NAV2: variants seen among roughly 807,000 people sequenced by gnomAD.
NAV2 encodes the protein neuron navigator 2, also known as helicase, APC down-regulated 1.
In NAV2, 54 loss-of-function variants were observed where a neutral mutation model predicts 223.2. The observed-to-expected ratio is 0.24, with a 90% CI of 0.19 to 0.30. The LOEUF is 0.30. NAV2 is among the 10% of genes least tolerant of loss of function. The probability of loss-of-function intolerance (pLI) is 1.00; values close to 1 mark genes in which losing one functional copy is unlikely to be tolerated. For synonymous variants in NAV2, 1,279 were observed against 1,239.3 expected (o/e 1.03, Z -0.67); for missense variants, 2,806 against 3,147.5 (o/e 0.89, Z 2.60).
At chr11:19,672,943 T>C (rs2048611267) in intron 1 of NAV2, among the ~76,000 whole-genome samples, 1 of 152,176 alleles carries the variant, frequency 6.6e-6, no homozygotes, top group African/African-American at 2.4e-5. Context: ...TGTGTGTTTG[T>C]TTGCTCCTGG....
chr11:19,795,088 G>C (rs2057793175), intron 1 of NAV2, among the ~76,000 whole-genome samples: 1 of 152,278 alleles, frequency 6.6e-6, no homozygotes, highest in South Asian at 2.1e-4. Context: ...AACCTGTCCA[G>C]TGCCACAGTC....
intron 36 of NAV2, 168 bp from the exon 37 acceptor site, chr11:20,114,424 G>A (rs911590410): frequency 1.8e-5 from 12 of 649,164 alleles, no homozygotes; most frequent in African/African-American, 5.4e-5. Flanking sequence ...TTAGCACCTC[G>A]AACTGTCTGC....
At chr11:19,549,786 T>C (rs908983682) in intron 1 of NAV2, among the ~76,000 whole-genome samples, 4 of 152,018 alleles carry the variant, frequency 2.6e-5, no homozygotes, top group Non-Finnish European at 5.9e-5. Context: ...GAAACCAAGC[T>C]GCACCATGAG....
In NAV2 at chr11:19,844,825, T is replaced by TTTG. The variant is rs1347847809; in HGVS notation, c.438+1904_438+1905insGTT. On this transcript the variant is annotated intron_variant, in intron 3 of 37. Coordinates refer to ENST00000349880, the MANE Select transcript of NAV2 (RefSeq NM_145117.5). ...TTTTTGTGTGTGTGAACTGTGTGTTTTTTTTTTTTTTTAGAACACAAGAAT... is the reference window on the plus strand; with the variant it reads ...TTTTTGTGTGTGTGAACTGTGTGTTTTTGTTTTTTTTTTTTAGAACACAAGAAT... Among the ~76,000 whole-genome samples, 3 of 149,990 alleles carry TTTG rather than the reference T, an allele frequency of 2.0e-5. No individual in the cohort carries two copies. The South Asian group carries it at 6.3e-4, about 31-fold the overall frequency.
upstream of NAV2, among the ~76,000 whole-genome samples, chr11:19,346,163 GA>G (rs1237250719): frequency 6.6e-6 from 1 of 152,188 alleles, no homozygotes; most frequent in Non-Finnish European, 1.5e-5. Flanking sequence ...TCCCTCTGTG[GA>G]GGCGTGCTTC....
chr11:19,644,122 C>T (rs1372718896), intron 1 of NAV2, among the ~76,000 whole-genome samples: 3 of 151,832 alleles, frequency 2.0e-5, no homozygotes, highest in African/African-American at 7.3e-5. Flanking sequence ...GTTTTGTTGC[C>T]CTGGAGGGGG....
At chr11:19,742,922 G>A (rs2052980199) in intron 1 of NAV2, among the ~76,000 whole-genome samples, 1 of 152,226 alleles carries the variant, frequency 6.6e-6, no homozygotes, top group South Asian at 2.1e-4. Flanking sequence ...CACATGCATG[G>A]AGACTTCTGT....
chr11:19,369,328 C>A (rs762554334), intron 1 of NAV2, among the ~76,000 whole-genome samples: 5 of 152,170 alleles, frequency 3.3e-5, no homozygotes, highest in Admixed American at 3.3e-4. Flanking sequence ...TAGGGTGCAA[C>A]TTAATGAAAG....
intron 1 of NAV2, among the ~76,000 whole-genome samples, chr11:19,479,111 C>T (rs776564939): frequency 3.9e-5 from 6 of 151,946 alleles, no homozygotes; most frequent in Admixed American, 6.5e-5. Context: ...ATTTGGTGGC[C>T]CAGTCACTGT....
At chr11:19,690,271 C>G (rs1414405945) in intron 1 of NAV2, among the ~76,000 whole-genome samples, 2 of 152,166 alleles carry the variant, frequency 1.3e-5, no homozygotes, top group Non-Finnish European at 2.9e-5. Context: ...CCATTTACAT[C>G]TATTCTAATA....
chr11:19,363,295 T>C (rs1590054405), intron 1 of NAV2, among the ~76,000 whole-genome samples: 2 of 152,344 alleles, frequency 1.3e-5, no homozygotes, highest in Non-Finnish European at 2.9e-5. Flanking sequence ...TCCATGTCCC[T>C]GCAAAGGACA....
intron 1 of NAV2, among the ~76,000 whole-genome samples, chr11:19,648,526 G>A (rs1342189588): frequency 6.6e-6 from 1 of 152,212 alleles, no homozygotes; most frequent in Non-Finnish European, 1.5e-5. Context: ...AAGAGGAAGT[G>A]CCCAAGGGTC....
At chr11:20,050,655 T>C (rs1313657514) in intron 16 of NAV2, among the ~76,000 whole-genome samples, 1 of 151,906 alleles carries the variant, frequency 6.6e-6, no homozygotes, top group Non-Finnish European at 1.5e-5. Flanking sequence ...CTTTAAACCG[T>C]TGGTCTTTAG....
At chr11:19,490,141 A>G (rs1283998215) in intron 1 of NAV2, among the ~76,000 whole-genome samples, 2 of 152,244 alleles carry the variant, frequency 1.3e-5, no homozygotes, top group Non-Finnish European at 2.9e-5. Context: ...TGACCATCTG[A>G]GCCTTCAGTG....
chr11:19,451,972 G>A (rs1851803489), intron 1 of NAV2, among the ~76,000 whole-genome samples: 1 of 152,200 alleles, frequency 6.6e-6, no homozygotes, highest in Non-Finnish European at 1.5e-5. Context: ...AGGCATTGAA[G>A]AGGATCAACA....
intron 10 of NAV2, chr11:19,978,700 G>A (rs1003327805): frequency 2.2e-5 from 3 of 137,912 alleles, no homozygotes; most frequent in African/African-American, 5.3e-5. Flanking sequence ...AAATGCACTC[G>A]ACTAGAGCAA....
chr11:19,606,618 C>T (rs2135289156), intron 1 of NAV2, among the ~76,000 whole-genome samples: 1 of 152,260 alleles, frequency 6.6e-6, no homozygotes, highest in South Asian at 2.1e-4. Flanking sequence ...TCCAAATCTC[C>T]AAGCCCTGTC....
chr11:19,670,431 A>G (rs1325143483), intron 1 of NAV2, among the ~76,000 whole-genome samples: 1 of 152,202 alleles, frequency 6.6e-6, no homozygotes, highest in Non-Finnish European at 1.5e-5. Context: ...CAGGCTCAAC[A>G]GATACTTGCC....
intron 35 of NAV2, 63 bp downstream of exon 35, chr11:20,105,790 C>T: frequency 7.5e-7 from 1 of 1,334,948 alleles, no homozygotes; most frequent in Non-Finnish European, 1.1e-6. Flanking sequence ...CCTCTGGGCC[C>T]TGGCCAGGAC....
Sources: gnomAD v4.1 joint callset for allele counts (sites outside exome capture counted in the v4.1 genomes callset) on GRCh38, gnomAD v4.1.1 for gene constraint, MANE v1.5 for transcripts, NCBI Gene and HGNC (gene_info 2026-07-23, HGNC 2026-07-21) for gene names.